The following FZD6 variants were observed in gnomAD, a reference collection of about 807,000 sequenced individuals.
The protein encoded by FZD6 is frizzled class receptor 6, also known as frizzled-6.
In FZD6, 49 loss-of-function variants were observed where a neutral mutation model predicts 61.4. The ratio of observed to expected loss-of-function variants is 0.80; its 90% CI spans 0.63 to 1.01. FZD6 has a LOEUF of 1.01. Ranked by LOEUF, FZD6 falls within the 50% of genes least tolerant of loss-of-function variation. FZD6 has a pLI of 0.00. For missense variants in FZD6, 724 were observed against 848.2 expected, an observed-to-expected ratio of 0.85 and a Z score of 1.82; for synonymous variants, 265 against 292.2, an observed-to-expected ratio of 0.91 and a Z score of 0.95.
In FZD6 at chr8:103,331,458, G is replaced by A. The variant is rs1053917; in HGVS notation, c.2070G>A (p.Pro690=). Residue 690 remains proline, a synonymous_variant, in exon 7 of 7, where the codon CCG becomes CCA. Coordinates refer to ENST00000358755, the MANE Select transcript of FZD6 (RefSeq NM_003506.4). ...GTTCCACATCTCTGCTTGTTCACCC[G>A]GTTTCAGGAGTGAGAAAAGAGCAGG... The part of the protein sequence containing the change: ...LKGSTSLLVH[P]VSGVRKEQGG... The A allele has an allele frequency of 0.46, 734,454 of 1,606,582 alleles. 171,466 individuals are homozygous for A. Among genetic ancestry groups the A allele is most frequent in the East Asian group, 0.59 (26,616 of 44,822 alleles).
Position 103,325,259 on chromosome 8 carries a change from C to G in FZD6, c.1153C>G (p.Leu385Val). 1 of 1,614,176 alleles carries G rather than the reference C, an allele frequency of 6.2e-7. No individual in the cohort carries two copies. The highest frequency in any genetic ancestry group is 1.3e-5 in the African/African-American group (1 of 75,054). Residue 385 changes from leucine (L) to valine (V), a missense_variant, in exon 4 of 7, where the codon CTT becomes GTT. By Grantham distance (32) the Leu-to-Val change is conservative. Coordinates refer to ENST00000358755, the MANE Select transcript of FZD6 (RefSeq NM_003506.4). ...LCLCVFVGLS[L>V]LLAGIISLNH... ...CCTTTGTGTGTTTGTTGGGCTCTCT[C>G]TTCTTTTAGCTGGCATTATTTCCTT...
In FZD6 at chr8:103,332,434, C is replaced by T. The variant is rs1815169174; in HGVS notation, c.*925C>T. The T allele has an allele frequency of 6.6e-6, 1 of 151,984 alleles. No homozygotes were observed. The highest frequency in any genetic ancestry group is 1.5e-5 in the Non-Finnish European group (1 of 67,958). The allele number at this position is 151,984 out of a possible 1,614,324, so 9.4% of individuals were successfully genotyped here. On this transcript the variant is annotated 3_prime_UTR_variant, in exon 7 of 7. Coordinates refer to ENST00000358755, the MANE Select transcript of FZD6 (RefSeq NM_003506.4). Reference sequence around the variant, plus strand: ...TTGTTTTTTAACATTTAGAATATTACATTTTGTATTATACAGTACCTTTCT... The same window carrying T: ...TTGTTTTTTAACATTTAGAATATTATATTTTGTATTATACAGTACCTTTCT...
chr8:103,298,776 G>GCTC (rs1386658457), upstream of FZD6: 5 of 7,784 alleles, frequency 6.4e-4, no homozygotes, highest in Middle Eastern at 0.1. Context: ...GGCCAGTCCC[G>GCTC]CCGCCGCCGC....
intron 2 of FZD6, among the ~76,000 whole-genome samples, chr8:103,303,441 G>C (rs1303962222): frequency 6.6e-6 from 1 of 152,030 alleles, no homozygotes; most frequent in Non-Finnish European, 1.5e-5. Flanking sequence ...TACTTATAAT[G>C]TACAGTTGTT....
Position 103,325,469 on chromosome 8 carries a change from C to T in FZD6, c.1363C>T (p.Arg455Cys), listed in dbSNP as rs368015730. Residue 455 changes from arginine (R) to cysteine (C), a missense_variant, in exon 4 of 7, where the codon CGT becomes TGT. Transcript: ENST00000358755. ...GATAACTTGGGTCTCTGATCATTGT[C>T]GTCAGTACCATATCCCATGTCCTTA... ...WEITWVSDHC[R>C]QYHIPCPYQA... 1.1e-5 allele frequency: 17 copies of T among 1,612,830 alleles called. No homozygotes were observed. The highest frequency in any genetic ancestry group is 1.6e-4 in the Middle Eastern group (1 of 6,062).
chr8:103,322,818 A>G (rs1586521822), intron 3 of FZD6, among the ~76,000 whole-genome samples: 3 of 152,198 alleles, frequency 2.0e-5, no homozygotes, highest in African/African-American at 7.2e-5. Flanking sequence ...TTAACCCTGC[A>G]TCCTAGGAAA....
At chr8:103,320,601 T>TA (rs1264162614) in intron 3 of FZD6, among the ~76,000 whole-genome samples, 2 of 146,922 alleles carry the variant, frequency 1.4e-5, no homozygotes, top group Non-Finnish European at 3.0e-5. Context: ...GTTTTTTTTT[T>TA]AAAGGCATAA....
At chr8:103,322,213 G>A (rs1814809351) in intron 3 of FZD6, among the ~76,000 whole-genome samples, 2 of 152,036 alleles carry the variant, frequency 1.3e-5, no homozygotes, top group Non-Finnish European at 2.9e-5. Flanking sequence ...CACTGTTAAT[G>A]TAATATTTTG....
rs753667894 is a variant in FZD6 at position 103,324,615 on chromosome 8, G to A, written c.509G>A (p.Gly170Glu). The A allele has an allele frequency of 1.2e-6, 2 of 1,614,144 alleles. No homozygotes were observed. Among genetic ancestry groups the A allele is most frequent in the Non-Finnish European group, 1.7e-6 (2 of 1,180,016 alleles). The part of the protein sequence containing the change: ...WCPRHLKTSG[G>E]QGYKFLGIDQ... ...CCAAGGCATCTTAAGACTTCTGGGGGACAAGGATATAAGTTTCTGGGAATT... is the reference window on the plus strand; with the variant it reads ...CCAAGGCATCTTAAGACTTCTGGGGAACAAGGATATAAGTTTCTGGGAATT... Residue 170 changes from glycine to glutamate, a missense_variant, in exon 4 of 7, where the codon GGA (glycine) becomes GAA (glutamate). Transcript: ENST00000358755.
chr8:103,325,618 G>GAAATCCTTACC, intron 4 of FZD6, 120 bp downstream of exon 4: 1 of 840,912 alleles, frequency 1.2e-6, no homozygotes, highest in Non-Finnish European at 2.0e-6. Context: ...AGAGCCATAG[G>GAAATCCTTACC]TAAGGATTTC....
chr8:103,312,637 C>A (rs971013637), intron 2 of FZD6, among the ~76,000 whole-genome samples: 7 of 152,122 alleles, frequency 4.6e-5, no homozygotes, highest in African/African-American at 1.7e-4. Flanking sequence ...TGAGGAAGAA[C>A]ATAAAACATT....
chr8:103,330,428 A>G (rs911738514), intron 6 of FZD6, among the ~76,000 whole-genome samples: 1 of 152,198 alleles, frequency 6.6e-6, no homozygotes, highest in Middle Eastern at 3.2e-3. Context: ...CATTTTATCT[A>G]AAATTATTTT....
intron 6 of FZD6, 26 bp from the exon 7 acceptor site, chr8:103,331,315 G>T (rs368151045): frequency 1.3e-6 from 2 of 1,548,112 alleles, no homozygotes; most frequent in Non-Finnish European, 1.8e-6. Flanking sequence ...GGATGTGTGT[G>T]TGTCAACTTT....
In FZD6 at chr8:103,325,631, A is replaced by C; in HGVS notation, c.1392+133A>C. The C allele has an allele frequency of 6.6e-6, 5 of 755,008 alleles. No homozygotes were observed. The South Asian group carries it at 7.4e-5, about 11-fold the overall frequency. The allele number at this position is 755,008 out of a possible 1,614,324, so 46.8% of individuals were successfully genotyped here. A position where few individuals can be genotyped will look rare whatever the true frequency, so the allele number is the denominator to read the frequency against. ...CAAGAGCCATAGGTAAGGATTTCCTATACATCAACTGAAACTGGGATGAAT... is the reference window on the plus strand; with the variant it reads ...CAAGAGCCATAGGTAAGGATTTCCTCTACATCAACTGAAACTGGGATGAAT... On this transcript the variant is annotated intron_variant, in intron 4 of 6. Coordinates refer to ENST00000358755, the MANE Select transcript of FZD6 (RefSeq NM_003506.4).
At chr8:103,313,307 G>C (rs1344633622) in intron 2 of FZD6, among the ~76,000 whole-genome samples, 1 of 152,152 alleles carries the variant, frequency 6.6e-6, no homozygotes, top group Admixed American at 6.5e-5. Context: ...ATTCGATCAG[G>C]AATAAAGATA....
chr8:103,299,609 G>A (rs1814092266), intron 1 of FZD6, among the ~76,000 whole-genome samples: 1 of 152,144 alleles, frequency 6.6e-6, no homozygotes, highest in African/African-American at 2.4e-5. Flanking sequence ...TACTTAATAA[G>A]CTTTCCAACA....
At position 103,325,411 on chromosome 8, in the gene FZD6, C is replaced by T. The variant is rs774825329; in HGVS notation, c.1305C>T (p.Tyr435=). 20 of 1,612,836 alleles carry T rather than the reference C, an allele frequency of 1.2e-5. No individual in the cohort carries two copies. Among genetic ancestry groups the T allele is most frequent in the African/African-American group, 1.3e-5 (1 of 74,882 alleles). ...CATTAGTGACACTTCTCGGATGTTA[C>T]GTCTATGAGCAAGTGAACAGGATTA... ...LVPLVTLLGC[Y]VYEQVNRITW... is the part of the protein sequence containing the mutation. Residue 435 remains tyrosine, a synonymous_variant, in exon 4 of 7, where the codon TAC becomes TAT. Coordinates refer to ENST00000358755, the MANE Select transcript of FZD6 (RefSeq NM_003506.4).
chr8:103,328,617 A>G (rs146023801), intron 5 of FZD6, among the ~76,000 whole-genome samples: 24 of 152,016 alleles, frequency 1.6e-4, no homozygotes, highest in African/African-American at 5.8e-4. Context: ...GACATATACT[A>G]TTTATCATAT....
chr8:103,307,987 C>G (rs1814388973), intron 2 of FZD6: 1 of 455,058 alleles, frequency 2.2e-6, no homozygotes, highest in Non-Finnish European at 4.4e-6. Flanking sequence ...GTTGGTTGAT[C>G]CTGCTGGAAC....
Sources: allele counts gnomAD v4.1 joint callset (sites outside exome capture counted in the v4.1 genomes callset), GRCh38; gene constraint gnomAD v4.1.1; transcripts MANE v1.5; gene names NCBI Gene and HGNC (gene_info 2026-07-23, HGNC 2026-07-21).